LPCAT4: variants seen among roughly 807,000 people sequenced by gnomAD.
The protein encoded by LPCAT4 is lysophosphatidylcholine acyltransferase 4, also known as lysophospholipid acyltransferase LPCAT4.
Under a neutral mutation model 66.5 loss-of-function variants are expected in LPCAT4, and 30 were observed. That is an observed-to-expected ratio of 0.45 (90% CI 0.34 to 0.61). The LOEUF (loss-of-function observed/expected upper bound fraction) is 0.61. Ranked by LOEUF, LPCAT4 falls within the 20% of genes least tolerant of loss-of-function variation. The pLI, the probability that LPCAT4 is intolerant of heterozygous loss-of-function variation, is 0.01. For missense variants in LPCAT4, 557 were observed against 656.7 expected (o/e 0.85, Z 1.66); for synonymous variants, 253 against 262.1 (o/e 0.97, Z 0.34).
chr15:34,360,242 G>A, intron 11 of LPCAT4, 33 bp from the exon 12 acceptor site: 1 of 1,554,614 alleles, frequency 6.4e-7, no homozygotes, highest in Non-Finnish European at 8.9e-7. Context: ...GCAATGCGGG[G>A]ACCCTGCGCC....
At chr15:34,362,046 C>A in intron 10 of LPCAT4, 150 bp downstream of exon 10, 2 of 1,089,294 alleles carry the variant, frequency 1.8e-6, no homozygotes, top group East Asian at 2.5e-5. Flanking sequence ...TCCATTTATT[C>A]CCCACTTCCT....
rs1294488509 is a variant in LPCAT4 at position 34,363,591 on chromosome 15, G to A, written c.711+70C>T. The stretch of plus-strand genomic sequence containing the variant: ...TGCACATCCCATTAAAGCACCAACA[G>A]TTTTCACTTATTTCCATTTGGGGTG... On this transcript the variant is annotated intron_variant, in intron 6 of 13. Coordinates refer to ENST00000314891, the MANE Select transcript of LPCAT4 (RefSeq NM_153613.3). This position sits in a 1 kb window ranked among gnomAD's most constrained non-coding sequence, Gnocchi z 4.3. 4 of 1,604,284 alleles carry A rather than the reference G, an allele frequency of 2.5e-6. No homozygotes were observed. In the African/African-American group the frequency reaches 5.4e-5, roughly 21 times the overall value.
Position 34,362,244 on chromosome 15 carries a change from G to C in LPCAT4, c.962C>G (p.Ala321Gly). Residue 321 changes from alanine (A) to glycine (G), a missense_variant, in exon 10 of 14, where the codon GCG becomes GGG. This residue lies in a region of LPCAT4 where 392 missense variants were observed against 473.9 expected (regional missense o/e 0.83). Coordinates refer to ENST00000314891, the MANE Select transcript of LPCAT4 (RefSeq NM_153613.3). ...PVIVVGRLKVALEPQLWELGK... is the reference protein window; with the variant it reads ...PVIVVGRLKVGLEPQLWELGK... ...CAGTTCCCAGAGCTGTGGTTCCAAC[G>C]CCACCTTCAGCCGGCCCACCACAAT... 6.2e-7 allele frequency: 1 copy of C among 1,613,586 alleles called. No individual in the cohort carries two copies. Among genetic ancestry groups the C allele is most frequent in the Non-Finnish European group, 8.5e-7 (1 of 1,179,966 alleles).
rs1474442781 is a variant in LPCAT4 at position 34,367,134 on chromosome 15, C to T, written c.-34G>A. The T allele has an allele frequency of 5.3e-6, 8 of 1,503,658 alleles. No homozygotes were observed. The highest frequency in any genetic ancestry group is 6.2e-6 in the Non-Finnish European group (7 of 1,124,738). The allele number at this position is 1,503,658 out of a possible 1,614,324, so 93.1% of individuals were successfully genotyped here. A position where few individuals can be genotyped will look rare whatever the true frequency, so the allele number is the denominator to read the frequency against. ...AAGGTGGGAGGGAGGGCACCCCGGC[C>T]CTGGCCCCGGCCACCACTCTGCAGA... On this transcript the variant is annotated 5_prime_UTR_variant, in exon 1 of 14. Coordinates refer to ENST00000314891, the MANE Select transcript of LPCAT4 (RefSeq NM_153613.3).
Position 34,365,212 on chromosome 15 carries a change from C to G in LPCAT4, c.274G>C (p.Gly92Arg), listed in dbSNP as rs767118556. The G allele has an allele frequency of 1.9e-6, 3 of 1,608,332 alleles. No homozygotes were observed. In the South Asian group the frequency reaches 3.3e-5, roughly 18 times the overall value. Reference protein sequence around the residue: ...TGWRKTVCHNGVLGLSRLLFF... With the variant: ...TGWRKTVCHNRVLGLSRLLFF... ...AGCAGGCGGCTCAGGCCTAGCACCCCGTTGTGGCACACAGTCCTGCCAGGG... is the reference window on the plus strand; with the variant it reads ...AGCAGGCGGCTCAGGCCTAGCACCCGGTTGTGGCACACAGTCCTGCCAGGG... The change falls in exon 3 of 14, where the codon GGG becomes CGG. Residue 92 changes from glycine (G) to arginine (R), a missense_variant. By Grantham distance (125) the Gly-to-Arg change is moderately radical. Around this residue, in one of 4 missense-constraint regions of LPCAT4, gnomAD observed 65 missense variants for 83.5 expected, o/e 0.78. Coordinates refer to ENST00000314891, the MANE Select transcript of LPCAT4 (RefSeq NM_153613.3).
intron 11 of LPCAT4, chr15:34,361,197 G>T: frequency 1.4e-6 from 2 of 1,440,950 alleles, no homozygotes; most frequent in Admixed American, 2.7e-5. Flanking sequence ...TCCTCCTCAT[G>T]ATGATAACAT....
intron 3 of LPCAT4, 75 bp downstream of exon 3, chr15:34,364,933 C>A: frequency 7.7e-7 from 1 of 1,292,244 alleles, no homozygotes; most frequent in South Asian, 1.4e-5. Flanking sequence ...CAGTTCTTCA[C>A]TCCAGTGTCT....
intron 1 of LPCAT4, 164 bp downstream of exon 1, chr15:34,366,823 G>C: frequency 2.0e-6 from 2 of 994,150 alleles, no homozygotes; most frequent in Admixed American, 2.2e-5. Flanking sequence ...AGGACTCCTT[G>C]CCCAACCGCG....
Position 34,363,845 on chromosome 15 carries a change from T to C in LPCAT4, c.653-126A>G. 1 of 1,355,816 alleles carries C rather than the reference T, an allele frequency of 7.4e-7. No individual in the cohort carries two copies. The highest frequency in any genetic ancestry group is 1.0e-6 in the Non-Finnish European group (1 of 953,878). The allele number at this position is 1,355,816 out of a possible 1,614,324, so 84.0% of individuals were successfully genotyped here. On this transcript the variant is annotated intron_variant, in intron 5 of 13. Coordinates refer to ENST00000314891, the MANE Select transcript of LPCAT4 (RefSeq NM_153613.3). This position sits in a 1 kb window ranked among gnomAD's most constrained non-coding sequence, Gnocchi z 4.3. The stretch of plus-strand genomic sequence containing the variant: ...GATATGGTTTTGTTCCACTCATTGA[T>C]AATTTTCTCTCTGACTCCTCGACTT...
chr15:34,363,738 C>T lies in LPCAT4; in HGVS notation c.653-19G>A. 6.2e-7 allele frequency: 1 copy of T among 1,614,014 alleles called. No homozygotes were observed. The highest frequency in any genetic ancestry group is 1.1e-5 in the South Asian group (1 of 91,086). On this transcript the variant is annotated intron_variant, in intron 5 of 13. Coordinates refer to ENST00000314891, the MANE Select transcript of LPCAT4 (RefSeq NM_153613.3). The surrounding 1 kb of genome is among the most constrained non-coding windows in gnomAD (Gnocchi z 4.3). Reference sequence around the variant, plus strand: ...AAGGCTCCTAAATCCCATTTCCACCCCCACCCCCACAAGGCAGAGGTTAGT... The same window carrying T: ...AAGGCTCCTAAATCCCATTTCCACCTCCACCCCCACAAGGCAGAGGTTAGT...
At position 34,359,623 on chromosome 15, in the gene LPCAT4, C is replaced by A. The variant is rs79336924; in HGVS notation, c.1365G>T (p.Leu455=). The change falls in exon 13 of 14, where the codon CTG becomes CTT. Residue 455 remains leucine (L), a synonymous_variant. Transcript: ENST00000314891. ...GGCCTTGGCTGGATCCTGCCTGGCACAGCTCAGCATGCAAAGCTGTGGCAG... is the reference window on the plus strand; with the variant it reads ...GGCCTTGGCTGGATCCTGCCTGGCAAAGCTCAGCATGCAAAGCTGTGGCAG... ...HPAATALHAE[L]CQAGSSQGLS... is the part of the protein sequence containing the mutation. The A allele has an allele frequency of 3.6e-4, 586 of 1,613,134 alleles. 2 individuals carry two copies. The African/African-American group carries it at 7.1e-3, about 19-fold the overall frequency.
chr15:34,365,123 G>C lies in LPCAT4; in HGVS notation c.363C>G (p.Ala121=), dbSNP rs1276049127. The C allele has an allele frequency of 6.2e-7, 1 of 1,614,100 alleles. No individual in the cohort carries two copies. The highest frequency in any genetic ancestry group is 1.3e-5 in the African/African-American group (1 of 74,940). The change falls in exon 3 of 14, where the codon GCC becomes GCG. Residue 121 remains alanine (A), a synonymous_variant. Coordinates refer to ENST00000314891, the MANE Select transcript of LPCAT4 (RefSeq NM_153613.3). ...VRGQRASRLQ[A]PVLVAAPHST... The stretch of plus-strand genomic sequence containing the variant: ...AGTGTGGGGCAGCAACAAGGACAGG[G>C]GCTTGAAGGCGAGAGGCTCGCTGGC...
chr15:34,359,766 G>A lies in LPCAT4; in HGVS notation c.1243-21C>T, dbSNP rs201666489. 167 of 1,601,092 alleles carry A rather than the reference G, an allele frequency of 1.0e-4. No individual in the cohort carries two copies. The African/African-American group carries it at 1.9e-3, about 19-fold the overall frequency. ...AAGAGCTTGGGAGAGAAAGGGATAA[G>A]AGTCAAGTTCTCTCCTCATGCCATG... On this transcript the variant is annotated intron_variant, in intron 12 of 13. Coordinates refer to ENST00000314891, the MANE Select transcript of LPCAT4 (RefSeq NM_153613.3).
chr15:34,365,651 A>G lies in LPCAT4; in HGVS notation c.165T>C (p.Phe55=). The change falls in exon 2 of 14, where the codon TTT becomes TTC. Residue 55 remains phenylalanine (F), a synonymous_variant. Transcript: ENST00000314891. The part of the protein sequence containing the change: ...LLAPIRVLLA[F]IVLFLLWPFA... ...AGGGCCAGAGGAGAAAGAGGACGAT[A>G]AAGGCCAGAAGCACTCGGATGGGGG... 6.2e-7 allele frequency: 1 copy of G among 1,614,184 alleles called. No homozygotes were observed. The highest frequency in any genetic ancestry group is 8.5e-7 in the Non-Finnish European group (1 of 1,180,020).
rs977101300 is a variant in LPCAT4, at chr15:34,367,184, G to T, written c.-84C>A. 9.0e-6 allele frequency: 11 copies of T among 1,228,984 alleles called. No homozygotes were observed. In the African/African-American group the frequency reaches 1.6e-4, roughly 18 times the overall value. The allele number at this position is 1,228,984 out of a possible 1,614,324, so 76.1% of individuals were successfully genotyped here. On this transcript the variant is annotated 5_prime_UTR_variant, in exon 1 of 14. Coordinates refer to ENST00000314891, the MANE Select transcript of LPCAT4 (RefSeq NM_153613.3). ...AGCAGCTGCTGCTGCAGCAGCGGCGGCGGCGGCGCTCTGGCCCGGGCCCCG... is the reference window on the plus strand; with the variant it reads ...AGCAGCTGCTGCTGCAGCAGCGGCGTCGGCGGCGCTCTGGCCCGGGCCCCG...
Position 34,363,479 on chromosome 15 carries a change from G to T in LPCAT4, c.712-23C>A. The T allele has an allele frequency of 6.2e-7, 1 of 1,613,942 alleles. No homozygotes were observed. Among genetic ancestry groups the T allele is most frequent in the Non-Finnish European group, 8.5e-7 (1 of 1,179,916 alleles). On this transcript the variant is annotated intron_variant, in intron 6 of 13. Coordinates refer to ENST00000314891, the MANE Select transcript of LPCAT4 (RefSeq NM_153613.3). The surrounding 1 kb of genome is among the most constrained non-coding windows in gnomAD (Gnocchi z 4.3). ...GTCCTATGGGAGAAACACAGGTGAG[G>T]GCATAAGAGCATTACTTTTTCCCCC... is the stretch of plus-strand genomic sequence containing the variant.
chr15:34,362,913 T>G, intron 7 of LPCAT4, 77 bp from the exon 8 acceptor site: 2 of 1,431,306 alleles, frequency 1.4e-6, no homozygotes, highest in Non-Finnish European at 1.9e-6. Context: ...CCCACTCCCC[T>G]TCCCCAACCC....
intron 1 of LPCAT4, 139 bp from the exon 2 acceptor site, chr15:34,365,840 G>A: frequency 2.0e-6 from 2 of 1,003,606 alleles, no homozygotes; most frequent in Non-Finnish European, 2.9e-6. Flanking sequence ...ACAGGAGAGG[G>A]GACTGGGACC....
chr15:34,359,139 C>A lies in LPCAT4; in HGVS notation c.1563G>T (p.Gln521His). ...LANGTVQAPKQKGD is the reference protein window; with the variant it reads ...LANGTVQAPKHKGD Reference sequence around the variant, plus strand: ...GAGGCTGAGGCACTCAGTCTCCCTTCTGCTTGGGTGCTTGCACAGTCCCAT... The same window carrying A: ...GAGGCTGAGGCACTCAGTCTCCCTTATGCTTGGGTGCTTGCACAGTCCCAT... Residue 521 changes from glutamine to histidine, a missense_variant, in exon 14 of 14, where the codon CAG becomes CAT. Around this residue, in one of 4 missense-constraint regions of LPCAT4, gnomAD observed 392 missense variants for 473.9 expected, o/e 0.83. Coordinates refer to ENST00000314891, the MANE Select transcript of LPCAT4 (RefSeq NM_153613.3). 1 of 1,603,478 alleles carries A rather than the reference C, an allele frequency of 6.2e-7. No homozygotes were observed. Among genetic ancestry groups the A allele is most frequent in the Non-Finnish European group, 8.5e-7 (1 of 1,175,860 alleles).
Sources: allele counts gnomAD v4.1 joint callset, GRCh38; gene constraint gnomAD v4.1.1; regional missense constraint gnomAD v4.1.1; non-coding constraint Gnocchi (gnomAD v3.1); transcripts MANE v1.5; gene names NCBI Gene and HGNC (gene_info 2026-07-23, HGNC 2026-07-21).